The following DCUN1D2 variants were observed in gnomAD, a reference collection of about 807,000 sequenced individuals.
DCUN1D2 encodes the protein defective in cullin neddylation 1 domain containing 2, also known as DCN1-like protein 2.
Under a neutral mutation model 30.9 loss-of-function variants are expected in DCUN1D2, and 29 were observed. The ratio of observed to expected loss-of-function variants is 0.94; its 90% confidence interval spans 0.70 to 1.28. DCUN1D2 has a LOEUF of 1.28. DCUN1D2 is among the 50% of genes most tolerant of loss of function. The pLI is 0.00. For missense variants in DCUN1D2, 325 were observed against 316.9 expected, an observed-to-expected ratio of 1.03 and a Z score of -0.19; for synonymous variants, 121 against 115.3, an observed-to-expected ratio of 1.05 and a Z score of -0.32.
chr13:113,467,453 T>C (rs951650680), intron 4 of DCUN1D2, among the ~76,000 whole-genome samples: 1 of 152,134 alleles, frequency 6.6e-6, no homozygotes, highest in Non-Finnish European at 1.5e-5. Context: ...TTTTTACCTA[T>C]TGTTTTCAGA....
chr13:113,467,604 TTG>T (rs1365944358), intron 4 of DCUN1D2, among the ~76,000 whole-genome samples: 1 of 151,908 alleles, frequency 6.6e-6, no homozygotes, highest in Non-Finnish European at 1.5e-5. Context: ...AAAACAGCAA[TTG>T]TTGTCAGGAT....
At chr13:113,464,683 G>T (rs970823187) in intron 4 of DCUN1D2, among the ~76,000 whole-genome samples, 1 of 152,266 alleles carries the variant, frequency 6.6e-6, no homozygotes, top group African/African-American at 2.4e-5. Context: ...AGGCCCACGT[G>T]GGGCAGCTGG....
intron 4 of DCUN1D2, among the ~76,000 whole-genome samples, chr13:113,461,414 T>C (rs994420454): frequency 3.9e-5 from 6 of 152,246 alleles, no homozygotes; most frequent in Non-Finnish European, 8.8e-5. Flanking sequence ...ACTTGCCTTT[T>C]CACACATATT....
chr13:113,476,478 T>C (rs578063007), intron 3 of DCUN1D2, among the ~76,000 whole-genome samples: 1 of 152,354 alleles, frequency 6.6e-6, no homozygotes, highest in African/African-American at 2.4e-5. Flanking sequence ...TTTTGTGAAG[T>C]GCTTGTCAAA....
intron 4 of DCUN1D2, among the ~76,000 whole-genome samples, chr13:113,464,111 A>T (rs2044363797): frequency 6.6e-6 from 1 of 152,240 alleles, no homozygotes. Context: ...GTGTTTACAA[A>T]ATCTAATCTT....
intron 4 of DCUN1D2, among the ~76,000 whole-genome samples, chr13:113,471,158 G>C (rs1436161927): frequency 7.2e-6 from 1 of 138,974 alleles, no homozygotes; most frequent in Non-Finnish European, 1.5e-5. Flanking sequence ...ACTCCACAGG[G>C]GACCCAACTC....
upstream of DCUN1D2, chr13:113,490,826 G>T (rs1054749316): frequency 3.6e-6 from 2 of 558,986 alleles, no homozygotes; most frequent in African/African-American, 2.0e-5. The surrounding 1 kb of genome is among the most constrained non-coding windows in gnomAD (Gnocchi z 5.2). Context: ...AGCGCCGCCC[G>T]GGGGCCCACG....
At position 113,480,545 on chromosome 13, in the gene DCUN1D2, A is replaced by G. The variant is rs190036972; in HGVS notation, c.389+30T>C. The G allele has an allele frequency of 5.6e-6, 9 of 1,609,182 alleles. No homozygotes were observed. The East Asian group carries it at 2.0e-4, about 36-fold the overall frequency. On this transcript the variant is annotated intron_variant, in intron 3 of 6. Transcript: ENST00000478244. ...ATGTTAGAAGTATTTTCATTTCTGA[A>G]AACATTTAAGCTAAGAATAGTTGAC...
At chr13:113,484,234 C>T (rs1016738647) in intron 1 of DCUN1D2, 178 bp from the exon 2 acceptor site, 1 of 1,368,588 alleles carries the variant, frequency 7.3e-7, no homozygotes, top group South Asian at 1.5e-5. Context: ...CTGTAACAAA[C>T]AGGCAGTCTA....
chr13:113,460,848 C>G (rs3814253), intron 5 of DCUN1D2, among the ~76,000 whole-genome samples: 3,661 of 152,308 alleles, frequency 0.024, 97 homozygotes, highest in East Asian at 0.12. Flanking sequence ...GAGGAGGCCC[C>G]GGAGTGGCCC....
intron 6 of DCUN1D2, among the ~76,000 whole-genome samples, chr13:113,458,946 G>C (rs558485868): frequency 6.6e-6 from 1 of 152,306 alleles, no homozygotes; most frequent in Admixed American, 6.5e-5. Context: ...TATGCAAGAA[G>C]ACAGGAGCTG....
intron 4 of DCUN1D2, among the ~76,000 whole-genome samples, chr13:113,472,399 T>C (rs1242255492): frequency 6.6e-6 from 1 of 152,092 alleles, no homozygotes; most frequent in East Asian, 1.9e-4. Flanking sequence ...AATCAGGGCT[T>C]CTTGGAGAAA....
chr13:113,466,417 CAA>C (rs2139688560), intron 4 of DCUN1D2, among the ~76,000 whole-genome samples: 1 of 152,276 alleles, frequency 6.6e-6, no homozygotes, highest in South Asian at 2.1e-4. Flanking sequence ...GCTCATAAAT[CAA>C]GAGTTATTTT....
At chr13:113,484,088 TG>T in intron 1 of DCUN1D2, 32 bp from the exon 2 acceptor site, 1 of 1,610,300 alleles carries the variant, frequency 6.2e-7, no homozygotes, top group Non-Finnish European at 8.5e-7. Context: ...GGAAAGCCAA[TG>T]AAGCCGCTCC....
rs183246822 is a variant in DCUN1D2 at position 113,488,535 on chromosome 13, G to A, written c.3+2132C>T. ...AGCTTCTTAGGAAACAAAAAGGCTCGTCAACTAAAAAACTACAGGGGAGAG... is the reference window on the plus strand; with the variant it reads ...AGCTTCTTAGGAAACAAAAAGGCTCATCAACTAAAAAACTACAGGGGAGAG... On this transcript the variant is annotated intron_variant, in intron 1 of 6. Coordinates refer to ENST00000478244, the MANE Select transcript of DCUN1D2 (RefSeq NM_001014283.2). The surrounding 1 kb of genome is among the most constrained non-coding windows in gnomAD (Gnocchi z 4.3). 1.3e-5 allele frequency among the ~76,000 whole-genome samples: 2 copies of A among 152,188 alleles called. No individual in the cohort carries two copies. The highest frequency in any genetic ancestry group is 2.4e-5 in the African/African-American group (1 of 41,448).
In DCUN1D2 at chr13:113,475,340, T is replaced by A. The variant is rs576386690; in HGVS notation, c.390-1086A>T. The A allele has an allele frequency of 4.6e-5, 7 of 152,344 alleles. No homozygotes were observed. In the East Asian group the frequency reaches 1.4e-3, roughly 29 times the overall value. The allele number at this position is 152,344 out of a possible 1,614,324, so 9.4% of individuals were successfully genotyped here. A position where few individuals can be genotyped will look rare whatever the true frequency, so the allele number is the denominator to read the frequency against. On this transcript the variant is annotated intron_variant, in intron 3 of 6. Transcript: ENST00000478244. ...CCTTCAGATGTGTTTAGACACAGAC[T>A]TACCATTGTGTTACAGCTGCCTACA...
rs1489865742 is a variant in DCUN1D2, at chr13:113,490,590, G to C, written c.3+77C>G. On this transcript the variant is annotated intron_variant, in intron 1 of 6. Coordinates refer to ENST00000478244, the MANE Select transcript of DCUN1D2 (RefSeq NM_001014283.2). This position sits in a 1 kb window ranked among gnomAD's most constrained non-coding sequence, Gnocchi z 5.2. ...CGCTGGGCTCGGCCTCCCACATCCAGCGCGCCGCCTGCGCCGACCTTGGGG... is the reference window on the plus strand; with the variant it reads ...CGCTGGGCTCGGCCTCCCACATCCACCGCGCCGCCTGCGCCGACCTTGGGG... 7.5e-6 allele frequency: 9 copies of C among 1,192,218 alleles called. No individual in the cohort carries two copies. Among genetic ancestry groups the C allele is most frequent in the Non-Finnish European group, 9.4e-6 (9 of 955,954 alleles). The allele number at this position is 1,192,218 out of a possible 1,614,324, so 73.9% of individuals were successfully genotyped here. A position where few individuals can be genotyped will look rare whatever the true frequency, so the allele number is the denominator to read the frequency against.
chr13:113,471,936 C>T (rs1432366144), intron 4 of DCUN1D2, among the ~76,000 whole-genome samples: 1 of 152,194 alleles, frequency 6.6e-6, no homozygotes, highest in Non-Finnish European at 1.5e-5. Context: ...AGAGCAAAGA[C>T]CACCCACAAC....
intron 4 of DCUN1D2, among the ~76,000 whole-genome samples, chr13:113,461,377 T>A (rs537902264): frequency 6.6e-6 from 1 of 152,246 alleles, no homozygotes; most frequent in East Asian, 1.9e-4. Context: ...ATGCACACAA[T>A]TCCCCCCTAA....
Sources: gnomAD v4.1 joint callset for allele counts (sites outside exome capture counted in the v4.1 genomes callset) on GRCh38, gnomAD v4.1.1 for gene constraint, Gnocchi (gnomAD v3.1) non-coding constraint, MANE v1.5 for transcripts, NCBI Gene and HGNC (gene_info 2026-07-23, HGNC 2026-07-21) for gene names.